The following RBM27 variants were observed in gnomAD, a reference collection of about 807,000 sequenced individuals.
RBM27 encodes the protein RNA binding motif protein 27, also known as RNA-binding protein 27.
A neutral mutation model predicts 135.3 loss-of-function variants in RBM27; 22 were observed. The ratio of observed to expected loss-of-function variants is 0.16; its 90% CI spans 0.12 to 0.23. The LOEUF is 0.23. Ranked by LOEUF, RBM27 falls within the 10% of genes least tolerant of loss-of-function variation. The probability of loss-of-function intolerance (pLI) is 1.00; values close to 1 mark genes in which losing one functional copy is unlikely to be tolerated. For missense variants in RBM27, 1,009 were observed against 1,281.0 expected (o/e 0.79, Z 3.24); for synonymous variants, 481 against 442.4 (o/e 1.09, Z -1.10).
chr5:146,266,144 C>A (rs1758606246), intron 14 of RBM27, among the ~76,000 whole-genome samples: 1 of 152,018 alleles, frequency 6.6e-6, no homozygotes, highest in African/African-American at 2.4e-5. Flanking sequence ...AGGAGGGTGT[C>A]AAAGATTACT....
intron 5 of RBM27, 86 bp from the exon 6 acceptor site, chr5:146,230,571 T>C (rs1307996072): frequency 7.2e-7 from 1 of 1,396,810 alleles, no homozygotes; most frequent in Non-Finnish European, 9.8e-7. Context: ...CATTCTCATG[T>C]TTTCTATGTG....
At chr5:146,223,558 G>T (rs1359170066) in intron 3 of RBM27, 31 bp downstream of exon 3, 2 of 1,587,748 alleles carry the variant, frequency 1.3e-6, no homozygotes, top group Admixed American at 3.7e-5. Flanking sequence ...TGCTTTTGGG[G>T]GCTTCTTAGA....
chr5:146,216,816 C>T lies in RBM27; in HGVS notation c.60-2169C>T, dbSNP rs191358350. 2.8e-3 allele frequency among the ~76,000 whole-genome samples: 427 copies of T among 152,150 alleles called. 4 individuals carry two copies. Among genetic ancestry groups the T allele is most frequent in the Non-Finnish European group, 2.7e-3 (186 of 68,002 alleles). On this transcript the variant is annotated intron_variant, in intron 1 of 20. Coordinates refer to ENST00000265271, the MANE Select transcript of RBM27 (RefSeq NM_018989.2). ...GGGAGTACAGGTGTGCGCCACCATG[C>T]CTGGCTAATTTTTATATTATTTGTA...
In RBM27 at chr5:146,233,632, C is replaced by T. The variant is rs946702057; in HGVS notation, c.1033C>T (p.Pro345Ser). ...PMPGPGPGPG[P>S]GPGPGPGPGP... is the part of the protein sequence containing the mutation. ...GCCAGGTCCAGGCCCAGGCCCGGGC[C>T]CAGGTCCAGGCCCAGGCCCGGGCCC... The change falls in exon 7 of 21, where the codon CCA (proline) becomes TCA (serine). Residue 345 changes from proline to serine, a missense_variant. Coordinates refer to ENST00000265271, the MANE Select transcript of RBM27 (RefSeq NM_018989.2). 3 of 1,605,910 alleles carry T rather than the reference C, an allele frequency of 1.9e-6. No homozygotes were observed. The highest frequency in any genetic ancestry group is 1.3e-5 in the African/African-American group (1 of 74,186).
intron 1 of RBM27, among the ~76,000 whole-genome samples, chr5:146,218,362 C>T (rs1046883633): frequency 6.6e-5 from 10 of 152,216 alleles, no homozygotes; most frequent in African/African-American, 2.4e-4. Flanking sequence ...CCTTTCACCA[C>T]TTCTCTTTTC....
intron 4 of RBM27, among the ~76,000 whole-genome samples, chr5:146,229,434 C>G (rs1218685415): frequency 6.6e-6 from 1 of 151,948 alleles, no homozygotes; most frequent in Non-Finnish European, 1.5e-5. Context: ...TTTTTTTGAG[C>G]CTTTTTTCTT....
Position 146,284,683 on chromosome 5 carries a change from A to G in RBM27, c.3050A>G (p.Lys1017Arg), listed in dbSNP as rs1486006471. ...CTACAGATATCATGGCACAAGCCCA[A>G]GGTACCATCTATATCCACTGAGACT... ...RRLQISWHKPKVPSISTETEE... is the reference protein window; with the variant it reads ...RRLQISWHKPRVPSISTETEE... Residue 1017 changes from lysine to arginine, a missense_variant, in exon 20 of 21, where the codon AAG (lysine) becomes AGG (arginine). By Grantham distance (26) the Lys-to-Arg change is conservative. Transcript: ENST00000265271. 4 of 1,613,594 alleles carry G rather than the reference A, an allele frequency of 2.5e-6. No individual in the cohort carries two copies. The highest frequency in any genetic ancestry group is 2.5e-6 in the Non-Finnish European group (3 of 1,179,634).
At chr5:146,230,531 A>C (rs1756881602) in intron 5 of RBM27, 126 bp from the exon 6 acceptor site, 1 of 998,522 alleles carries the variant, frequency 1.0e-6, no homozygotes, top group Non-Finnish European at 1.4e-6. Context: ...AGGAGTATGA[A>C]ATATGGATAG....
chr5:146,279,013 G>T (rs1450569484), intron 19 of RBM27, among the ~76,000 whole-genome samples: 1 of 151,860 alleles, frequency 6.6e-6, no homozygotes, highest in Non-Finnish European at 1.5e-5. Context: ...CAGCCCCTGC[G>T]CCTGGCCTTT....
At chr5:146,269,126 C>T (rs1758752569) in intron 15 of RBM27, 81 bp from the exon 16 acceptor site, 1 of 931,488 alleles carries the variant, frequency 1.1e-6, no homozygotes, top group South Asian at 1.6e-5. Context: ...GACAGTCTGT[C>T]TCAGGGATGA....
At chr5:146,237,955 T>A (rs1757240918) in intron 8 of RBM27, among the ~76,000 whole-genome samples, 1 of 152,184 alleles carries the variant, frequency 6.6e-6, no homozygotes, top group Non-Finnish European at 1.5e-5. Context: ...CCCAAAATGC[T>A]GGGATTATAG....
chr5:146,231,125 G>T (rs1386230676), intron 6 of RBM27, among the ~76,000 whole-genome samples: 2 of 152,032 alleles, frequency 1.3e-5, no homozygotes, highest in East Asian at 1.9e-4. Context: ...GGGTTCAAGC[G>T]ATTCTCCTTC....
chr5:146,251,838 C>T lies in RBM27; in HGVS notation c.1407C>T (p.Tyr469=), dbSNP rs754533314. ...ACCTCATGGGATCCTCCATTGGATA[C>T]CATACCTCAGTCTCCAGCCCTACCC... ...PRNLMGSSIG[Y]HTSVSSPTPL... Residue 469 remains tyrosine (Y), a synonymous_variant, in exon 9 of 21, where the codon TAC becomes TAT. Coordinates refer to ENST00000265271, the MANE Select transcript of RBM27 (RefSeq NM_018989.2). 1 of 1,614,130 alleles carries T rather than the reference C, an allele frequency of 6.2e-7. No individual in the cohort carries two copies. The highest frequency in any genetic ancestry group is 1.1e-5 in the South Asian group (1 of 91,078).
At chr5:146,263,656 T>TA (rs1758490026) in intron 14 of RBM27, 25 bp downstream of exon 14, 1 of 1,611,550 alleles carries the variant, frequency 6.2e-7, no homozygotes, top group African/African-American at 1.3e-5. Flanking sequence ...GAGCTTCAGA[T>TA]ATATTTAGAA....
At chr5:146,272,203 T>C (rs182413061) in intron 19 of RBM27, among the ~76,000 whole-genome samples, 2 of 152,376 alleles carry the variant, frequency 1.3e-5, no homozygotes, top group East Asian at 1.9e-4. Flanking sequence ...TTTTCATACA[T>C]GATCTCATTT....
intron 14 of RBM27, among the ~76,000 whole-genome samples, chr5:146,264,088 A>G (rs573375765): frequency 1.3e-5 from 2 of 151,462 alleles, no homozygotes; most frequent in Non-Finnish European, 2.9e-5. Flanking sequence ...CCTGGGTGAC[A>G]GAGCAAGACC....
chr5:146,274,319 T>C (rs1481371097), intron 19 of RBM27, among the ~76,000 whole-genome samples: 1 of 151,314 alleles, frequency 6.6e-6, no homozygotes, highest in Non-Finnish European at 1.5e-5. Context: ...TGTAGTGGCA[T>C]GATCTTAGCT....
At chr5:146,251,166 G>T (rs1014597480) in intron 8 of RBM27, among the ~76,000 whole-genome samples, 4 of 151,916 alleles carry the variant, frequency 2.6e-5, no homozygotes, top group African/African-American at 9.7e-5. Flanking sequence ...TTTTTCTTTG[G>T]AGCATTTTTT....
At position 146,289,035 on chromosome 5, in the gene RBM27, C is replaced by T. The variant is rs1759694448; in HGVS notation, c.*3005C>T. 1 of 151,228 alleles carries T rather than the reference C, an allele frequency of 6.6e-6. No individual in the cohort carries two copies. Among genetic ancestry groups the T allele is most frequent in the African/African-American group, 2.4e-5 (1 of 41,134 alleles). The allele number at this position is 151,228 out of a possible 1,614,324, so 9.4% of individuals were successfully genotyped here. Reference sequence around the variant, plus strand: ...TTCTAACTGTTTATACATTTAAATTCATATATGTAATGTTTGTTTTATCAA... The same window carrying T: ...TTCTAACTGTTTATACATTTAAATTTATATATGTAATGTTTGTTTTATCAA... On this transcript the variant is annotated 3_prime_UTR_variant, in exon 21 of 21. Coordinates refer to ENST00000265271, the MANE Select transcript of RBM27 (RefSeq NM_018989.2).
Sources: gnomAD v4.1 joint callset for allele counts (sites outside exome capture counted in the v4.1 genomes callset) on GRCh38, gnomAD v4.1.1 for gene constraint, MANE v1.5 for transcripts, NCBI Gene and HGNC (gene_info 2026-07-23, HGNC 2026-07-21) for gene names.